TLK1: variants seen among roughly 807,000 people sequenced by gnomAD.
TLK1 encodes the protein tousled like kinase 1.
TLK1 carries 24 observed loss-of-function variants against 105.3 expected under a neutral mutation model. The observed-to-expected ratio is 0.23, with a 90% CI of 0.17 to 0.32. The LOEUF is 0.32. Ranked by LOEUF, TLK1 falls within the 10% of genes least tolerant of loss-of-function variation. TLK1 has a pLI of 1.00. For synonymous variants in TLK1, 321 were observed against 310.4 expected, an observed-to-expected ratio of 1.03 and a Z score of -0.36; for missense variants, 558 against 910.5, an observed-to-expected ratio of 0.61 and a Z score of 4.98.
chr2:171,060,412 T>G (rs1687697506), intron 4 of TLK1, among the ~76,000 whole-genome samples: 1 of 152,136 alleles, frequency 6.6e-6, no homozygotes, highest in Non-Finnish European at 1.5e-5. Flanking sequence ...GCAAATACAT[T>G]CCTTGCTTCC....
At chr2:171,061,213 AC>A (rs1687733227) in intron 3 of TLK1, 57 bp from the exon 4 acceptor site, 1 of 1,566,552 alleles carries the variant, frequency 6.4e-7, no homozygotes, top group African/African-American at 1.4e-5. Flanking sequence ...CAAAATTATC[AC>A]AGTCAACATA....
At chr2:171,111,581 T>C (rs1248466060) in intron 2 of TLK1, among the ~76,000 whole-genome samples, 1 of 134,474 alleles carries the variant, frequency 7.4e-6, no homozygotes, top group East Asian at 2.3e-4. Flanking sequence ...TGAGATCCTG[T>C]ATTCAAAAAA....
At chr2:171,224,312 A>G (rs564725050) in intron 1 of TLK1, among the ~76,000 whole-genome samples, 7 of 152,232 alleles carry the variant, frequency 4.6e-5, no homozygotes, top group African/African-American at 7.2e-5. Context: ...TGATGTTTTT[A>G]TGTCAGCCCT....
chr2:171,139,362 C>T (rs1416217212), intron 1 of TLK1, among the ~76,000 whole-genome samples: 1 of 151,970 alleles, frequency 6.6e-6, no homozygotes, highest in African/African-American at 2.4e-5. Flanking sequence ...CTTTGGGAGG[C>T]AGGGGCGGGC....
chr2:171,032,867 C>A (rs1172935172), intron 11 of TLK1, among the ~76,000 whole-genome samples: 1 of 152,058 alleles, frequency 6.6e-6, no homozygotes. Flanking sequence ...CAAAAATTAA[C>A]TAAAAATGAA....
At position 171,201,466 on chromosome 2, in the gene TLK1, G is replaced by A. The variant is rs193035278; in HGVS notation, c.-6+29679C>T. On this transcript the variant is annotated intron_variant, in intron 1 of 20. Transcript: ENST00000521943. Reference sequence around the variant, plus strand: ...CTTCAGAGCATTTTTGAGGACAGCTGTGTCATGTATCCAGCCACTCAACTA... The same window carrying A: ...CTTCAGAGCATTTTTGAGGACAGCTATGTCATGTATCCAGCCACTCAACTA... Among the ~76,000 whole-genome samples, 89 of 152,280 alleles carry A rather than the reference G, an allele frequency of 5.8e-4. 2 individuals are homozygous for A. The highest frequency in any genetic ancestry group is 2.0e-3 in the African/African-American group (85 of 41,556).
chr2:171,085,004 C>G (rs1451497517), intron 2 of TLK1, among the ~76,000 whole-genome samples: 1 of 151,954 alleles, frequency 6.6e-6, no homozygotes, highest in Non-Finnish European at 1.5e-5. Flanking sequence ...TAAGCTACAG[C>G]TGATGATGAA....
chr2:171,188,599 G>C (rs1693080434), intron 1 of TLK1, among the ~76,000 whole-genome samples: 1 of 151,950 alleles, frequency 6.6e-6, no homozygotes, highest in Non-Finnish European at 1.5e-5. Flanking sequence ...CCAGCTACTT[G>C]GGAGGCTGAG....
chr2:171,225,473 G>A (rs567634579), intron 1 of TLK1, among the ~76,000 whole-genome samples: 36 of 152,116 alleles, frequency 2.4e-4, no homozygotes, highest in Non-Finnish European at 4.4e-4. Flanking sequence ...AAAAAGGCAA[G>A]TGTCAGCAAG....
At chr2:171,131,103 A>G (rs1027862641) in intron 1 of TLK1, among the ~76,000 whole-genome samples, 3 of 133,122 alleles carry the variant, frequency 2.3e-5, no homozygotes, top group Non-Finnish European at 5.3e-5. Flanking sequence ...AGAGATCTAT[A>G]TATCTATATA....
intron 1 of TLK1, among the ~76,000 whole-genome samples, chr2:171,227,139 A>G (rs1304319946): frequency 6.6e-6 from 1 of 152,116 alleles, no homozygotes; most frequent in Non-Finnish European, 1.5e-5. Context: ...AAAGTGTCCC[A>G]ATCAAGCTTT....
At chr2:171,009,291 CTTTTT>C (rs71008743) in intron 14 of TLK1, among the ~76,000 whole-genome samples, 40 of 74,842 alleles carry the variant, frequency 5.3e-4, no homozygotes, top group African/African-American at 2.2e-3. Context: ...ATTTCTTTTC[CTTTTT>C]TTTTTTTTTT....
intron 1 of TLK1, among the ~76,000 whole-genome samples, chr2:171,148,149 C>T (rs1691867569): frequency 6.6e-6 from 1 of 152,148 alleles, no homozygotes; most frequent in Non-Finnish European, 1.5e-5. Context: ...CTCGGCCTCC[C>T]CAAGTGCTGC....
chr2:171,216,708 A>C (rs1693721527), intron 1 of TLK1, among the ~76,000 whole-genome samples: 1 of 152,202 alleles, frequency 6.6e-6, no homozygotes, highest in South Asian at 2.1e-4. Flanking sequence ...AGATGAGCTC[A>C]TACTGGAGTA....
chr2:171,229,310 G>A (rs1469884683), intron 1 of TLK1, among the ~76,000 whole-genome samples: 1 of 152,156 alleles, frequency 6.6e-6, no homozygotes, highest in African/African-American at 2.4e-5. Flanking sequence ...TTCAGTGCCA[G>A]TCTTGTGCAG....
intron 12 of TLK1, among the ~76,000 whole-genome samples, chr2:171,016,094 C>T (rs1402195627): frequency 3.3e-5 from 5 of 152,012 alleles, no homozygotes; most frequent in African/African-American, 7.2e-5. Context: ...TCCAGCCCAC[C>T]GCCACCCGCC....
chr2:171,036,375 C>A (rs940405521), intron 11 of TLK1, among the ~76,000 whole-genome samples: 6 of 151,946 alleles, frequency 3.9e-5, no homozygotes, highest in Non-Finnish European at 8.8e-5. Flanking sequence ...GAACCCAGAG[C>A]GAGACTCTGT....
chr2:171,055,386 A>G (rs958986914), intron 6 of TLK1, among the ~76,000 whole-genome samples: 1 of 151,982 alleles, frequency 6.6e-6, no homozygotes, highest in African/African-American at 2.4e-5. Flanking sequence ...ACCCAGTGAG[A>G]AATACAACAA....
chr2:171,149,881 TGGG>T (rs1368710571), intron 1 of TLK1, among the ~76,000 whole-genome samples: 2 of 151,858 alleles, frequency 1.3e-5, no homozygotes, highest in East Asian at 3.9e-4. Flanking sequence ...TGCTCCAGCC[TGGG>T]TGACAAAGTG....
Sources: allele counts gnomAD v4.1 joint callset (sites outside exome capture counted in the v4.1 genomes callset), GRCh38; gene constraint gnomAD v4.1.1; transcripts MANE v1.5; gene names NCBI Gene and HGNC (gene_info 2026-07-23, HGNC 2026-07-21).